PRIM2: variants seen among roughly 807,000 people sequenced by gnomAD.
PRIM2 encodes the protein DNA primase subunit 2.
Under a neutral mutation model 67.3 loss-of-function variants are expected in PRIM2, and 39 were observed. The ratio of observed to expected loss-of-function variants is 0.58; its 90% confidence interval spans 0.45 to 0.76. The LOEUF (loss-of-function observed/expected upper bound fraction) is 0.76, where lower values mean the gene tolerates loss of function less well. PRIM2 is among the 30% of genes least tolerant of loss of function. The pLI is 0.00. For synonymous variants in PRIM2, 143 were observed against 198.7 expected (o/e 0.72, Z 2.36); for missense variants, 398 against 598.7 (o/e 0.66, Z 3.50).
At chr6:57,297,455 G>A in the PRIM2 span, among the ~76,000 whole-genome samples, 2 of 151,998 alleles carry the variant, frequency 1.3e-5, no homozygotes, top group Non-Finnish European at 2.9e-5. Context: ...CTAAAAAAAA[G>A]GAAATAGAAA....
intron 10 of PRIM2, among the ~76,000 whole-genome samples, chr6:57,585,858 A>G (rs1248110387): frequency 6.6e-6 from 1 of 152,194 alleles, no homozygotes; most frequent in Admixed American, 6.5e-5. Context: ...TCTCTCAGCA[A>G]TCTAAGTCCA....
chr6:57,271,961 G>A, the PRIM2 span, among the ~76,000 whole-genome samples: 6 of 152,316 alleles, frequency 3.9e-5, no homozygotes, highest in East Asian at 1.2e-3. Context: ...TTAATCCTGA[G>A]TTCTAGTTTG....
intron 12 of PRIM2, among the ~76,000 whole-genome samples, chr6:57,608,610 G>C (rs1208018751): frequency 6.6e-6 from 1 of 151,536 alleles, no homozygotes; most frequent in Non-Finnish European, 1.5e-5. Context: ...TGTAGCCTCA[G>C]CTACTCAGGA....
At chr6:57,459,495 C>T (rs4345400) in intron 7 of PRIM2, among the ~76,000 whole-genome samples, 2 of 152,138 alleles carry the variant, frequency 1.3e-5, no homozygotes, top group Non-Finnish European at 2.9e-5. Flanking sequence ...TCACAAATGG[C>T]AGGTTCCTGT....
At chr6:57,540,428 A>G (rs1186166253) in intron 10 of PRIM2, among the ~76,000 whole-genome samples, 1 of 152,236 alleles carries the variant, frequency 6.6e-6, no homozygotes, top group Non-Finnish European at 1.5e-5. Context: ...GAAGAATGAT[A>G]GTGTACAAGT....
At chr6:57,265,886 A>G in the PRIM2 span, among the ~76,000 whole-genome samples, 1 of 152,150 alleles carries the variant, frequency 6.6e-6, no homozygotes. Context: ...ATGTCATCCA[A>G]CTATTCTTTA....
chr6:57,571,965 C>A (rs1775871666), intron 10 of PRIM2, among the ~76,000 whole-genome samples: 1 of 152,172 alleles, frequency 6.6e-6, no homozygotes, highest in South Asian at 2.1e-4. Context: ...TCCATGTCAA[C>A]CCCTGTATGT....
intron 9 of PRIM2, among the ~76,000 whole-genome samples, chr6:57,533,992 A>T (rs1487817777): frequency 6.6e-6 from 1 of 152,196 alleles, no homozygotes; most frequent in African/African-American, 2.4e-5. Flanking sequence ...CTTTTTCTGG[A>T]CTGCCTCCTA....
chr6:57,576,268 A>G (rs1266976649), intron 10 of PRIM2, among the ~76,000 whole-genome samples: 6 of 152,106 alleles, frequency 3.9e-5, no homozygotes, highest in African/African-American at 1.2e-4. Flanking sequence ...CTTTAAAAAT[A>G]TGTGCTTTTA....
intron 7 of PRIM2, among the ~76,000 whole-genome samples, chr6:57,410,091 G>A (rs1390658781): frequency 6.6e-6 from 1 of 151,980 alleles, no homozygotes; most frequent in Non-Finnish European, 1.5e-5. Context: ...GCCCCAGGTG[G>A]GTGGATCACA....
chr6:57,514,467 T>A (rs1214291368), intron 8 of PRIM2, among the ~76,000 whole-genome samples: 16 of 152,100 alleles, frequency 1.1e-4, no homozygotes. Context: ...ATGCTTCAGT[T>A]GTTTGTTAGC....
At chr6:57,358,813 G>T (rs1414668067) in intron 5 of PRIM2, among the ~76,000 whole-genome samples, 2 of 152,006 alleles carry the variant, frequency 1.3e-5, no homozygotes, top group Non-Finnish European at 2.9e-5. Context: ...TAAATGTTTT[G>T]CCTCCCAGGA....
chr6:57,252,672 C>T, the PRIM2 span, among the ~76,000 whole-genome samples: 1 of 152,192 alleles, frequency 6.6e-6, no homozygotes, highest in Non-Finnish European at 1.5e-5. Flanking sequence ...AACTCCTGAC[C>T]TCAGGTGGGC....
At chr6:57,437,018 G>A (rs1487835781) in intron 7 of PRIM2, among the ~76,000 whole-genome samples, 3 of 152,166 alleles carry the variant, frequency 2.0e-5, no homozygotes, top group Non-Finnish European at 4.4e-5. Flanking sequence ...ATTGGCTCAT[G>A]GTTCCACAGG....
intron 4 of PRIM2, 129 bp from the exon 5 acceptor site, chr6:57,325,796 G>T: frequency 2.4e-6 from 2 of 828,438 alleles, no homozygotes; most frequent in Non-Finnish European, 3.8e-6. Flanking sequence ...CGTGATAGAG[G>T]ACTTGCATGT....
chr6:57,282,340 A>G, the PRIM2 span, among the ~76,000 whole-genome samples: 2 of 152,136 alleles, frequency 1.3e-5, no homozygotes, highest in East Asian at 3.9e-4. Flanking sequence ...TTTCTTTTAG[A>G]GGTGTCATGG....
At chr6:57,310,724 A>G (rs1767365083), upstream of PRIM2, among the ~76,000 whole-genome samples, 1 of 145,428 alleles carries the variant, frequency 6.9e-6, no homozygotes, top group African/African-American at 2.6e-5. Context: ...GGCCGGGCAG[A>G]GGCGCCCACT....
At chr6:57,414,638 C>G (rs1771199705) in intron 7 of PRIM2, among the ~76,000 whole-genome samples, 1 of 152,014 alleles carries the variant, frequency 6.6e-6, no homozygotes, top group African/African-American at 2.4e-5. Flanking sequence ...TTTTGAATAG[C>G]TAGATGGTAG....
chr6:57,291,340 T>A, the PRIM2 span, among the ~76,000 whole-genome samples: 1 of 152,090 alleles, frequency 6.6e-6, no homozygotes, highest in African/African-American at 2.4e-5. Context: ...GCTTCTGAAA[T>A]TGAAGCAATA....
Sources: allele counts gnomAD v4.1 joint callset (sites outside exome capture counted in the v4.1 genomes callset), GRCh38; gene constraint gnomAD v4.1.1; transcripts MANE v1.5; gene names NCBI Gene and HGNC (gene_info 2026-07-23, HGNC 2026-07-21).